The following ZBTB16 variants were observed in gnomAD, a reference collection of about 807,000 sequenced individuals.
ZBTB16 encodes zinc finger and BTB domain containing 16, also known as zinc finger and BTB domain-containing protein 16.
Under a neutral mutation model 56.8 loss-of-function variants are expected in ZBTB16, and 8 were observed. The ratio of observed to expected loss-of-function variants is 0.14; its 90% CI spans 0.08 to 0.25. ZBTB16 has a LOEUF of 0.25. ZBTB16 is among the 10% of genes least tolerant of loss of function. The pLI is 1.00. For synonymous variants in ZBTB16, 363 were observed against 368.5 expected (o/e 0.98, Z 0.17); for missense variants, 625 against 903.0 (o/e 0.69, Z 3.95).
chr11:114,078,614 T>C (rs772257478), intron 2 of ZBTB16, among the ~76,000 whole-genome samples: 3 of 152,124 alleles, frequency 2.0e-5, no homozygotes, highest in Non-Finnish European at 2.9e-5. Flanking sequence ...GGGCATCTAC[T>C]GGGACAGACT....
intron 4 of ZBTB16, among the ~76,000 whole-genome samples, chr11:114,200,632 C>T (rs957297226): frequency 6.6e-6 from 1 of 152,172 alleles, no homozygotes; most frequent in African/African-American, 2.4e-5. Context: ...GCAGGACTCA[C>T]CGTCCTCACT....
chr11:114,174,294 G>A (rs1278281498), intron 3 of ZBTB16, among the ~76,000 whole-genome samples: 1 of 150,970 alleles, frequency 6.6e-6, no homozygotes, highest in Non-Finnish European at 1.5e-5. Context: ...GGCTTCCCAT[G>A]CTGCCATTCT....
chr11:114,209,011 C>T (rs1470097818), intron 4 of ZBTB16, among the ~76,000 whole-genome samples: 2 of 152,158 alleles, frequency 1.3e-5, no homozygotes, highest in East Asian at 3.8e-4. Context: ...GTGTAATTCC[C>T]TTGTAAATCT....
At chr11:114,071,858 G>A (rs1381866825) in intron 2 of ZBTB16, among the ~76,000 whole-genome samples, 1 of 152,190 alleles carries the variant, frequency 6.6e-6, no homozygotes, top group Admixed American at 6.5e-5. Flanking sequence ...TAGGAAATGA[G>A]CACTTTGACT....
intron 4 of ZBTB16, among the ~76,000 whole-genome samples, chr11:114,200,910 A>C (rs550716262): frequency 6.6e-6 from 1 of 152,138 alleles, no homozygotes; most frequent in Non-Finnish European, 1.5e-5. Flanking sequence ...AAAGGCCATA[A>C]ATTGCCTTGT....
chr11:114,202,620 A>T (rs571713761), intron 4 of ZBTB16, among the ~76,000 whole-genome samples: 1 of 152,340 alleles, frequency 6.6e-6, no homozygotes, highest in Admixed American at 6.5e-5. Context: ...TATTTTATAG[A>T]CTGTAGGCTA....
At chr11:114,092,106 A>G (rs1940213944) in intron 2 of ZBTB16, among the ~76,000 whole-genome samples, 1 of 152,294 alleles carries the variant, frequency 6.6e-6, no homozygotes, top group Admixed American at 6.5e-5. Flanking sequence ...CCAGAGGGGC[A>G]GGTCAAACAG....
intron 2 of ZBTB16, among the ~76,000 whole-genome samples, chr11:114,155,206 CA>C (rs1942377854): frequency 6.6e-6 from 1 of 152,264 alleles, no homozygotes; most frequent in Non-Finnish European, 1.5e-5. Context: ...TTCTGGCTGC[CA>C]CGCCTGCCCT....
chr11:114,081,741 G>A (rs56311488), intron 2 of ZBTB16, among the ~76,000 whole-genome samples: 28,609 of 152,158 alleles, frequency 0.19, 3,601 homozygotes, highest in Non-Finnish European at 0.27. Context: ...TTTTGAAGAC[G>A]GGGACAGAAA....
In ZBTB16 at chr11:114,167,228, T is replaced by TG. The variant is rs1565663106; in HGVS notation, c.1366+10794_1366+10795insG. On this transcript the variant is annotated intron_variant, in intron 3 of 6. Coordinates refer to ENST00000335953, the MANE Select transcript of ZBTB16 (RefSeq NM_006006.6). The stretch of plus-strand genomic sequence containing the variant: ...TTATGGATTTGTGGTTTTTTTTTTT[T>TG]TTGGTTTTTTTTTTTTTTTTTTTTT... 2.2e-3 allele frequency among the ~76,000 whole-genome samples: 160 copies of TG among 71,342 alleles called. 4 individuals are homozygous for TG. Among genetic ancestry groups the TG allele is most frequent in the Middle Eastern group, 6.9e-3 (1 of 144 alleles). The allele number at this position is 71,342 out of a possible 152,430, so 46.8% of individuals were successfully genotyped here. A position where few individuals can be genotyped will look rare whatever the true frequency, so the allele number is the denominator to read the frequency against.
intron 2 of ZBTB16, among the ~76,000 whole-genome samples, chr11:114,129,733 G>C (rs199675656): frequency 6.6e-6 from 1 of 152,228 alleles, no homozygotes; most frequent in East Asian, 1.9e-4. Context: ...AAACAAGCTG[G>C]CAAGCCGCAA....
intron 4 of ZBTB16, chr11:114,188,263 C>T (rs1428845087): frequency 6.6e-6 from 1 of 152,230 alleles, no homozygotes; most frequent in Non-Finnish European, 1.5e-5. Context: ...AGGTTGGAAG[C>T]TACTCTTATG....
intron 3 of ZBTB16, among the ~76,000 whole-genome samples, chr11:114,183,807 G>T (rs1163126153): frequency 3.3e-5 from 5 of 152,254 alleles, no homozygotes; most frequent in Admixed American, 3.3e-4. Context: ...TCTTGGAGGT[G>T]CTTTCTGCAT....
At chr11:114,062,368 G>T (rs569619316) in intron 1 of ZBTB16, among the ~76,000 whole-genome samples, 1 of 152,250 alleles carries the variant, frequency 6.6e-6, no homozygotes, top group South Asian at 2.1e-4. Context: ...CTCCCAAAGT[G>T]CTGGGATTAG....
chr11:114,149,805 C>T (rs969049691), intron 2 of ZBTB16, among the ~76,000 whole-genome samples: 18 of 152,086 alleles, frequency 1.2e-4, no homozygotes, highest in African/African-American at 4.3e-4. Context: ...TGACCCATTC[C>T]CCAGCCAACA....
chr11:114,253,389 G>C lies in ZBTB16; in HGVS notation c.*2834G>C, dbSNP rs907246552. Among the ~76,000 whole-genome samples, 7 of 150,852 alleles carry C rather than the reference G, an allele frequency of 4.6e-5. No individual in the cohort carries two copies. Among genetic ancestry groups the C allele is most frequent in the African/African-American group, 1.7e-4 (7 of 41,248 alleles). Reference sequence around the variant, plus strand: ...CTGCAGAACCTTGCCCTTTCCTTTTGTAATGTGAATAGGAAGACAAAAGAC... The same window carrying C: ...CTGCAGAACCTTGCCCTTTCCTTTTCTAATGTGAATAGGAAGACAAAAGAC... On this transcript the variant is annotated 3_prime_UTR_variant, in exon 7 of 7. Transcript: ENST00000335953.
chr11:114,220,696 T>C (rs1336342743), intron 4 of ZBTB16, among the ~76,000 whole-genome samples: 1 of 152,198 alleles, frequency 6.6e-6, no homozygotes, highest in Non-Finnish European at 1.5e-5. Context: ...TTCTTATTTT[T>C]CTCCATTGCC....
At chr11:114,078,369 T>C (rs185388580) in intron 2 of ZBTB16, among the ~76,000 whole-genome samples, 2 of 152,360 alleles carry the variant, frequency 1.3e-5, no homozygotes, top group East Asian at 3.9e-4. Flanking sequence ...AGAAAAATGA[T>C]GTTCATCTGA....
At chr11:114,104,464 T>C (rs1216190414) in intron 2 of ZBTB16, among the ~76,000 whole-genome samples, 3 of 152,166 alleles carry the variant, frequency 2.0e-5, no homozygotes, top group African/African-American at 7.2e-5. Context: ...CCTACCTCCT[T>C]CTTTCATGGC....
Sources: allele counts gnomAD v4.1 joint callset (sites outside exome capture counted in the v4.1 genomes callset), GRCh38; gene constraint gnomAD v4.1.1; transcripts MANE v1.5; gene names NCBI Gene and HGNC (gene_info 2026-07-23, HGNC 2026-07-21).